The following CALN1 variants were observed in gnomAD, a reference collection of about 807,000 sequenced individuals.
The protein encoded by CALN1 is calneuron 1.
Under a neutral mutation model 30.6 loss-of-function variants are expected in CALN1, and 17 were observed. The ratio of observed to expected loss-of-function variants is 0.56; its 90% CI spans 0.38 to 0.83. The LOEUF (loss-of-function observed/expected upper bound fraction) is 0.83. Ranked by LOEUF, CALN1 falls within the 40% of genes least tolerant of loss-of-function variation. The pLI is 0.00. For synonymous variants in CALN1, 156 were observed against 131.4 expected (o/e 1.19, Z -1.28); for missense variants, 291 against 354.9 (o/e 0.82, Z 1.45).
intron 1 of CALN1, among the ~76,000 whole-genome samples, chr7:72,439,292 A>G (rs1230700296): frequency 6.6e-6 from 1 of 152,116 alleles, no homozygotes; most frequent in Non-Finnish European, 1.5e-5. Flanking sequence ...TCAGCCTCCC[A>G]AAGTCTTGGG....
the CALN1 span, among the ~76,000 whole-genome samples, chr7:72,487,368 A>C: frequency 6.6e-6 from 1 of 151,972 alleles, no homozygotes; most frequent in Non-Finnish European, 1.5e-5. Context: ...CCAGGAAATA[A>C]AACTCCCCAG....
chr7:72,402,082 T>C (rs1806379191), intron 2 of CALN1, among the ~76,000 whole-genome samples: 1 of 152,226 alleles, frequency 6.6e-6, no homozygotes, highest in South Asian at 2.1e-4. Flanking sequence ...TTCCTTGCTC[T>C]GAGCCTGCCC....
intron 5 of CALN1, among the ~76,000 whole-genome samples, chr7:72,021,312 G>A (rs1433921427): frequency 6.6e-6 from 1 of 151,798 alleles, no homozygotes; most frequent in African/African-American, 2.4e-5. Flanking sequence ...GCATTCAGGA[G>A]AATAGATGGA....
At position 71,973,455 on chromosome 7, in the gene CALN1, C is replaced by T. The variant is rs1347411712; in HGVS notation, c.501+50202G>A. ...CCTCCCAAAGTACTGGGATTAGAGG[C>T]GTGAGCCACCTTGCCCAGCCTGAAT... On this transcript the variant is annotated intron_variant, in intron 5 of 6. Transcript: ENST00000395275. Among the ~76,000 whole-genome samples the T allele has an allele frequency of 2.6e-5, 4 of 152,272 alleles. No individual in the cohort carries two copies. The South Asian group carries it at 6.2e-4, about 24-fold the overall frequency.
intron 5 of CALN1, among the ~76,000 whole-genome samples, chr7:71,902,265 CAATCA>C (rs200954385): frequency 4.8e-4 from 32 of 67,270 alleles, no homozygotes; most frequent in East Asian, 4.3e-3. Flanking sequence ...ACCAACCAAC[CAATCA>C]AAAAAAAAAA....
chr7:71,996,640 GGGGA>G (rs1382565887), intron 5 of CALN1, among the ~76,000 whole-genome samples: 1 of 152,174 alleles, frequency 6.6e-6, no homozygotes, highest in African/African-American at 2.4e-5. Flanking sequence ...GGAGAGCAAG[GGGGA>G]GGGAGAGCAT....
intron 6 of CALN1, among the ~76,000 whole-genome samples, chr7:71,803,707 T>TCC: frequency 6.6e-6 from 1 of 152,084 alleles, no homozygotes; most frequent in Non-Finnish European, 1.5e-5. Context: ...ACTCCTGACC[T>TCC]CAGGTGATCC....
At chr7:72,354,355 G>C (rs556191056) in intron 2 of CALN1, among the ~76,000 whole-genome samples, 4 of 152,170 alleles carry the variant, frequency 2.6e-5, no homozygotes, top group Non-Finnish European at 5.9e-5. Context: ...TTAGAGGTTT[G>C]ATAATTTTAA....
chr7:72,392,013 A>C (rs1264880432), intron 2 of CALN1, among the ~76,000 whole-genome samples: 1 of 152,220 alleles, frequency 6.6e-6, no homozygotes, highest in African/African-American at 2.4e-5. Context: ...ATAGCTTACA[A>C]GGTTAAGTCC....
intron 2 of CALN1, among the ~76,000 whole-genome samples, chr7:72,371,674 T>C (rs543505242): frequency 2.0e-5 from 3 of 152,224 alleles, no homozygotes; most frequent in Non-Finnish European, 2.9e-5. Flanking sequence ...GTAGCATGTA[T>C]GTATGCATGT....
At chr7:72,499,845 CTTTCTT>C in the CALN1 span, among the ~76,000 whole-genome samples, 10 of 28,038 alleles carry the variant, frequency 3.6e-4, no homozygotes, top group Admixed American at 1.6e-3. Flanking sequence ...TTCTTTCTTT[CTTTCTT>C]TCTTTCTTTC....
At chr7:72,016,136 C>A (rs1343070749) in intron 5 of CALN1, among the ~76,000 whole-genome samples, 2 of 150,984 alleles carry the variant, frequency 1.3e-5, no homozygotes, top group African/African-American at 4.9e-5. Flanking sequence ...GTAATCCCAG[C>A]TACTTGGGAG....
intron 3 of CALN1, among the ~76,000 whole-genome samples, chr7:72,172,212 C>T (rs975964275): frequency 1.3e-5 from 2 of 152,210 alleles, no homozygotes; most frequent in Non-Finnish European, 1.5e-5. Context: ...GTTCAGACTC[C>T]CTGTCCACCT....
At chr7:72,364,627 A>T (rs538233274) in intron 2 of CALN1, among the ~76,000 whole-genome samples, 99 of 152,342 alleles carry the variant, frequency 6.5e-4, no homozygotes, top group Middle Eastern at 6.8e-3. Context: ...GTACGGAAAC[A>T]GACAAACATA....
At chr7:72,293,315 G>A (rs1283253690) in intron 2 of CALN1, among the ~76,000 whole-genome samples, 1 of 152,172 alleles carries the variant, frequency 6.6e-6, no homozygotes, top group Non-Finnish European at 1.5e-5. Flanking sequence ...AAAGGATCTA[G>A]CACCGTGGTA....
chr7:71,946,916 CA>C (rs1190908474), intron 5 of CALN1, among the ~76,000 whole-genome samples: 1 of 152,084 alleles, frequency 6.6e-6, no homozygotes, highest in East Asian at 1.9e-4. Context: ...CTCCTGGGCT[CA>C]AGCAATCTTC....
At chr7:71,789,374 G>A (rs968778686) in intron 6 of CALN1, among the ~76,000 whole-genome samples, 1 of 152,244 alleles carries the variant, frequency 6.6e-6, no homozygotes, top group East Asian at 1.9e-4. Context: ...CTGAGATCAG[G>A]CTACTGTGCT....
intron 5 of CALN1, among the ~76,000 whole-genome samples, chr7:71,951,645 AAC>A (rs1315424159): frequency 1.3e-5 from 2 of 152,138 alleles, no homozygotes; most frequent in Non-Finnish European, 2.9e-5. Flanking sequence ...GAATAACAGA[AAC>A]AAGTTTTTCC....
At chr7:71,851,344 C>A (rs1196199509) in intron 5 of CALN1, among the ~76,000 whole-genome samples, 2 of 141,000 alleles carry the variant, frequency 1.4e-5, no homozygotes, top group East Asian at 4.0e-4. Context: ...GCCAAAACCC[C>A]ATCTCTACTA....
Sources: allele counts gnomAD v4.1 joint callset (sites outside exome capture counted in the v4.1 genomes callset), GRCh38; gene constraint gnomAD v4.1.1; transcripts MANE v1.5; gene names NCBI Gene and HGNC (gene_info 2026-07-23, HGNC 2026-07-21).